The following CROCC2 variants were observed in gnomAD, a reference collection of about 807,000 sequenced individuals.
CROCC2 encodes the protein ciliary rootlet coiled-coil, rootletin family member 2, also known as ciliary rootlet coiled-coil protein 2.
CROCC2 carries 163 observed loss-of-function variants against 177.6 expected under a neutral mutation model. The ratio of observed to expected loss-of-function variants is 0.92; its 90% CI spans 0.81 to 1.05. The LOEUF (loss-of-function observed/expected upper bound fraction) is 1.05, where lower values mean the gene tolerates loss of function less well. CROCC2 is among the 50% of genes least tolerant of loss of function. The probability of loss-of-function intolerance (pLI) is 0.00; values close to 1 mark genes in which losing one functional copy is unlikely to be tolerated. For synonymous variants in CROCC2, 904 were observed against 787.3 expected (o/e 1.15, Z -2.48); for missense variants, 1,929 against 1,797.8 (o/e 1.07, Z -1.32).
At chr2:240,928,745 T>C (rs150680393) in intron 5 of CROCC2, among the ~76,000 whole-genome samples, 1 of 138,286 alleles carries the variant, frequency 7.2e-6, no homozygotes, top group Non-Finnish European at 1.7e-5. Context: ...TGCAGACAGG[T>C]GTAACGGGCT....
At chr2:240,975,691 T>G (rs1157604711) in intron 27 of CROCC2, among the ~76,000 whole-genome samples, 1 of 148,064 alleles carries the variant, frequency 6.8e-6, no homozygotes, top group African/African-American at 2.5e-5. Flanking sequence ...CCTGGGGGCA[T>G]CTCAGAATCC....
intron 31 of CROCC2, 96 bp downstream of exon 31, chr2:240,991,374 C>T: frequency 9.2e-7 from 1 of 1,089,524 alleles, no homozygotes; most frequent in Non-Finnish European, 1.3e-6. Context: ...AGGCCCTAGG[C>T]TGCTGGGGGA....
chr2:240,957,836 C>A (rs1235951221), intron 19 of CROCC2: 1 of 324,844 alleles, frequency 3.1e-6, no homozygotes, highest in African/African-American at 2.2e-5. Flanking sequence ...TGGCATCGGG[C>A]CTGTGACCAT....
At chr2:240,959,721 A>AG (rs1207080501) in intron 20 of CROCC2, 7 of 334,518 alleles carry the variant, frequency 2.1e-5, no homozygotes, top group African/African-American at 1.3e-4. Context: ...ACCAGTTTTC[A>AG]GGGGAAAGAA....
intron 28 of CROCC2, chr2:240,985,846 TG>T (rs2059837707): frequency 7.1e-6 from 3 of 420,504 alleles, no homozygotes; most frequent in Non-Finnish European, 1.5e-5. Flanking sequence ...GCACTCACAC[TG>T]GGGGTCTCAC....
In CROCC2 at chr2:240,992,372, G is replaced by A. The variant is rs142720193; in HGVS notation, c.4947-694G>A. Among the ~76,000 whole-genome samples the A allele has an allele frequency of 5.2e-3, 788 of 152,336 alleles. 5 individuals are homozygous for A. The highest frequency in any genetic ancestry group is 0.017 in the African/African-American group (706 of 41,564). ...GCCCCCACCCCATCACAGTTACTGT[G>A]AGCCTTGGCTGAATGTGCAACAGTG... On this transcript the variant is annotated intron_variant, in intron 31 of 31. Transcript: ENST00000690015.
intron 27 of CROCC2, among the ~76,000 whole-genome samples, chr2:240,970,545 A>G (rs2059713221): frequency 6.6e-6 from 1 of 152,196 alleles, no homozygotes; most frequent in Admixed American, 6.5e-5. Flanking sequence ...AGGGCATCTT[A>G]TGGCTGGGCC....
intron 5 of CROCC2, among the ~76,000 whole-genome samples, chr2:240,927,364 C>T (rs543068161): frequency 1.3e-5 from 2 of 152,262 alleles, no homozygotes; most frequent in South Asian, 2.1e-4. Context: ...TAAACATTGC[C>T]GGGGCTCATC....
intron 31 of CROCC2, 29 bp downstream of exon 31, chr2:240,991,307 C>T: frequency 6.5e-7 from 1 of 1,535,590 alleles, no homozygotes; most frequent in Non-Finnish European, 8.8e-7. Flanking sequence ...CACCCAGCAG[C>T]CTAGCTGCCT....
chr2:240,934,083 C>A (rs559245496), intron 11 of CROCC2, among the ~76,000 whole-genome samples: 77 of 152,332 alleles, frequency 5.1e-4, no homozygotes, highest in African/African-American at 1.8e-3. Flanking sequence ...TGGGCCACCA[C>A]CCCGTGGGCC....
In CROCC2 at chr2:240,956,877, C is replaced by T. The variant is rs375428233; in HGVS notation, c.2943+905C>T. Among the ~76,000 whole-genome samples, 6 of 152,192 alleles carry T rather than the reference C, an allele frequency of 3.9e-5. No homozygotes were observed. In the East Asian group the frequency reaches 5.8e-4, roughly 15 times the overall value. The stretch of plus-strand genomic sequence containing the variant: ...GGGCAGGGCTCACAGCGAGGGTGGC[C>T]AGAGCCCAGCGATAGGACATAGATG... On this transcript the variant is annotated intron_variant, in intron 19 of 31. Coordinates refer to ENST00000690015, the MANE Select transcript of CROCC2 (RefSeq NM_001351305.2).
At chr2:240,947,068 T>G (rs1455433669) in intron 15 of CROCC2, among the ~76,000 whole-genome samples, 2 of 152,286 alleles carry the variant, frequency 1.3e-5, no homozygotes, top group Admixed American at 1.3e-4. Context: ...CTTCTGTGCC[T>G]TATAGGCCCT....
intron 10 of CROCC2, 129 bp downstream of exon 10, chr2:240,933,471 A>G (rs2059447516): frequency 8.7e-7 from 1 of 1,153,798 alleles, no homozygotes; most frequent in Non-Finnish European, 1.2e-6. Context: ...CTTGCCTTCT[A>G]GCAGAGTTGT....
Position 240,949,248 on chromosome 2 carries a change from T to A in CROCC2, c.2482+151T>A. The A allele has an allele frequency of 1.0e-6, 1 of 959,058 alleles. No individual in the cohort carries two copies. 59.4% of individuals were successfully genotyped at this position (959,058 alleles called of 1,614,324 possible). On this transcript the variant is annotated intron_variant, in intron 16 of 31. Coordinates refer to ENST00000690015, the MANE Select transcript of CROCC2 (RefSeq NM_001351305.2). This position sits in a 1 kb window ranked among gnomAD's most constrained non-coding sequence, Gnocchi z 4.5. ...CTTGGAGCTCATGCGACTGAGCGAC[T>A]TGGGCCACCCTCGCCCATGAGGAGC... is the stretch of plus-strand genomic sequence containing the variant.
At chr2:240,987,435 G>A (rs1460836439) in intron 28 of CROCC2, among the ~76,000 whole-genome samples, 4 of 152,170 alleles carry the variant, frequency 2.6e-5, no homozygotes, top group African/African-American at 9.7e-5. Context: ...AGTGTAACTG[G>A]ATTTTTAAAG....
At chr2:240,922,261 C>T (rs1389270448) in intron 3 of CROCC2, among the ~76,000 whole-genome samples, 1 of 152,244 alleles carries the variant, frequency 6.6e-6, no homozygotes, top group East Asian at 1.9e-4. Flanking sequence ...ACACTGTCCT[C>T]AAGGCCTGAT....
At chr2:240,952,807 G>T (rs541153146) in intron 18 of CROCC2, among the ~76,000 whole-genome samples, 1 of 152,220 alleles carries the variant, frequency 6.6e-6, no homozygotes, top group Non-Finnish European at 1.5e-5. Context: ...GGGCGGAAAC[G>T]AGTCTGGGGC....
At position 240,963,671 on chromosome 2, in the gene CROCC2, C is replaced by A; in HGVS notation, c.3203C>A (p.Ala1068Asp). Residue 1068 changes from alanine (A) to aspartate (D), a missense_variant, in exon 21 of 32, where the codon GCC becomes GAC. Physicochemically the swap from Ala to Asp is moderately radical, Grantham distance 126 (BLOSUM62 -2). This residue lies in a region of CROCC2 where 1,397 missense variants were observed against 1,239.9 expected (regional missense o/e 1.13). Coordinates refer to ENST00000690015, the MANE Select transcript of CROCC2 (RefSeq NM_001351305.2). ...REGLHREAQE[A>D]RRALSDEARE... ...GGGCTGCACAGGGAGGCCCAGGAGG[C>A]CCGCCGGGCGCTGAGTGACGAGGCC... 1 of 1,550,002 alleles carries A rather than the reference C, an allele frequency of 6.5e-7. No homozygotes were observed. Among genetic ancestry groups the A allele is most frequent in the Non-Finnish European group, 8.7e-7 (1 of 1,146,776 alleles).
chr2:240,919,679 C>A (rs972888329), intron 2 of CROCC2, among the ~76,000 whole-genome samples: 1 of 152,100 alleles, frequency 6.6e-6, no homozygotes, highest in African/African-American at 2.4e-5. Context: ...GAGTGCCCAG[C>A]GTCCAGGCCG....
Sources: allele counts gnomAD v4.1 joint callset (sites outside exome capture counted in the v4.1 genomes callset), GRCh38; gene constraint gnomAD v4.1.1; regional missense constraint gnomAD v4.1.1; non-coding constraint Gnocchi (gnomAD v3.1); transcripts MANE v1.5; gene names NCBI Gene and HGNC (gene_info 2026-07-23, HGNC 2026-07-21).